Variants in TNS1 observed in about 807,000 individuals in gnomAD.
TNS1 encodes the protein tensin-1.
In TNS1, 62 loss-of-function variants were observed where a neutral mutation model predicts 168.6. The observed-to-expected ratio is 0.37, with a 90% CI of 0.30 to 0.45. The LOEUF is 0.45. TNS1 is among the 20% of genes least tolerant of loss of function. TNS1 has a pLI of 1.00. For missense variants in TNS1, 2,240 were observed against 2,339.4 expected (o/e 0.96, Z 0.88); for synonymous variants, 934 against 933.2 (o/e 1.00, Z -0.02).
chr2:217,804,886 T>G (rs1294428022), intron 32 of TNS1, among the ~76,000 whole-genome samples: 1 of 152,026 alleles, frequency 6.6e-6, no homozygotes, highest in Non-Finnish European at 1.5e-5. Flanking sequence ...CAAGGCTGGA[T>G]AGTGAGGGGT....
chr2:218,033,472 G>A lies in TNS1; in HGVS notation c.156+348C>T, dbSNP rs555474130. On this transcript the variant is annotated intron_variant, in intron 1 of 1. Transcript: ENST00000649572. The surrounding 1 kb of genome is among the most constrained non-coding windows in gnomAD (Gnocchi z 4.3). Reference sequence around the variant, plus strand: ...CCAGAGCTGCCCCTTGGTCCAGCTCGAGGAAGATTAACTCTTTCCCTACCT... The same window carrying A: ...CCAGAGCTGCCCCTTGGTCCAGCTCAAGGAAGATTAACTCTTTCCCTACCT... Among the ~76,000 whole-genome samples, 3 of 151,990 alleles carry A rather than the reference G, an allele frequency of 2.0e-5. No individual in the cohort carries two copies. The highest frequency in any genetic ancestry group is 4.2e-4 in the South Asian group (2 of 4,808).
intron 9 of TNS1, among the ~76,000 whole-genome samples, chr2:217,894,117 C>T (rs907338505): frequency 6.6e-6 from 1 of 152,212 alleles, no homozygotes; most frequent in Non-Finnish European, 1.5e-5. Flanking sequence ...AAAGGGCAGA[C>T]CTGAACAGCA....
chr2:217,888,919 G>T (rs1413331328), intron 12 of TNS1, among the ~76,000 whole-genome samples: 1 of 152,026 alleles, frequency 6.6e-6, no homozygotes, highest in African/African-American at 2.4e-5. Context: ...TGGTCTTCAG[G>T]CCTTCACTAC....
chr2:217,878,668 C>T (rs1950414918), intron 18 of TNS1, among the ~76,000 whole-genome samples: 1 of 152,194 alleles, frequency 6.6e-6, no homozygotes. Flanking sequence ...ACACCACATG[C>T]AGTCCTTCCT....
At chr2:217,851,367 C>G (rs908127793) in intron 18 of TNS1, among the ~76,000 whole-genome samples, 5 of 151,714 alleles carry the variant, frequency 3.3e-5, no homozygotes, top group Admixed American at 1.3e-4. Flanking sequence ...TACACACACA[C>G]AGACCACAGG....
At chr2:217,926,307 G>T (rs922371073) in intron 3 of TNS1, among the ~76,000 whole-genome samples, 1 of 152,186 alleles carries the variant, frequency 6.6e-6, no homozygotes, top group Non-Finnish European at 1.5e-5. Flanking sequence ...AATACCCTTA[G>T]CATCATATTT....
intron 7 of TNS1, among the ~76,000 whole-genome samples, chr2:217,898,741 C>T (rs1952595521): frequency 6.6e-6 from 1 of 152,228 alleles, no homozygotes; most frequent in Admixed American, 6.5e-5. Flanking sequence ...CAGCACCATG[C>T]GTTTCCCGGA....
At chr2:218,004,369 C>A (rs1366341277), upstream of TNS1, among the ~76,000 whole-genome samples, 1 of 134,838 alleles carries the variant, frequency 7.4e-6, no homozygotes, top group Non-Finnish European at 1.8e-5. Flanking sequence ...TCCCCTGCCT[C>A]CCCCCCCCAC....
intron 3 of TNS1, among the ~76,000 whole-genome samples, chr2:217,947,069 G>A (rs1054077834): frequency 2.6e-5 from 4 of 151,470 alleles, no homozygotes; most frequent in African/African-American, 9.7e-5. Context: ...CCAAGCCCCT[G>A]AGGACCAGGG....
At chr2:218,030,231 C>T (rs1958880991) in intron 1 of TNS1, among the ~76,000 whole-genome samples, 2 of 152,206 alleles carry the variant, frequency 1.3e-5, no homozygotes, top group South Asian at 4.1e-4. Context: ...CAGGTCCCGG[C>T]TCTTCTCCAT....
intron 3 of TNS1, among the ~76,000 whole-genome samples, chr2:217,953,202 G>A (rs1327003652): frequency 6.6e-6 from 1 of 152,176 alleles, no homozygotes; most frequent in Admixed American, 6.5e-5. Context: ...TGGGCTCCAG[G>A]AGCAGCACAG....
At chr2:217,879,939 G>T (rs1175774912) in intron 18 of TNS1, among the ~76,000 whole-genome samples, 1 of 152,184 alleles carries the variant, frequency 6.6e-6, no homozygotes, top group Admixed American at 6.5e-5. Context: ...CCTTGAAAGG[G>T]CCATCCTGGG....
intron 18 of TNS1, among the ~76,000 whole-genome samples, chr2:217,862,783 G>A (rs1948904334): frequency 6.6e-6 from 1 of 152,260 alleles, no homozygotes; most frequent in Admixed American, 6.5e-5. Context: ...CAGATGCCAT[G>A]AGATGGGTGC....
At chr2:217,895,248 A>G (rs1284701131) in intron 8 of TNS1, among the ~76,000 whole-genome samples, 192 bp from the exon 9 acceptor site, 2 of 152,202 alleles carry the variant, frequency 1.3e-5, no homozygotes, top group Non-Finnish European at 2.9e-5. Flanking sequence ...CGGAACAGCC[A>G]TGAGCTCCCT....
At chr2:217,917,649 A>C (rs1485071824) in intron 4 of TNS1, among the ~76,000 whole-genome samples, 1 of 151,834 alleles carries the variant, frequency 6.6e-6, no homozygotes, top group East Asian at 1.9e-4. Context: ...TAGCCAACCT[A>C]ATGAAACCCC....
At chr2:217,820,247 G>T (rs1336900800) in intron 23 of TNS1, among the ~76,000 whole-genome samples, 1 of 152,180 alleles carries the variant, frequency 6.6e-6, no homozygotes, top group Non-Finnish European at 1.5e-5. Context: ...GGATTTGAGT[G>T]AGAAACAATG....
chr2:217,816,835 C>T (rs985696334), intron 24 of TNS1, among the ~76,000 whole-genome samples: 7 of 151,956 alleles, frequency 4.6e-5, no homozygotes, highest in Non-Finnish European at 1.0e-4. Flanking sequence ...CTGAGAGTGA[C>T]GCCGGGAGAA....
At chr2:218,003,895 A>T (rs1342922211), upstream of TNS1, among the ~76,000 whole-genome samples, 1 of 125,824 alleles carries the variant, frequency 7.9e-6, no homozygotes, top group Non-Finnish European at 1.7e-5. Flanking sequence ...CCTCGCCCCC[A>T]CCTCTGCCCA....
chr2:217,979,812 G>T (rs1957995839), intron 2 of TNS1, among the ~76,000 whole-genome samples: 1 of 152,024 alleles, frequency 6.6e-6, no homozygotes, highest in Non-Finnish European at 1.5e-5. Flanking sequence ...AACTGGGGAG[G>T]GGGAGATAGG....
Sources: gnomAD v4.1 joint callset for allele counts (sites outside exome capture counted in the v4.1 genomes callset) on GRCh38, gnomAD v4.1.1 for gene constraint, Gnocchi (gnomAD v3.1) non-coding constraint, MANE v1.5 for transcripts, NCBI Gene and HGNC (gene_info 2026-07-23, HGNC 2026-07-21) for gene names.